The following STXBP5 variants were observed in gnomAD, a reference collection of about 807,000 sequenced individuals.
STXBP5 encodes the protein syntaxin-binding protein 5.
In STXBP5, 50 loss-of-function variants were observed where a neutral mutation model predicts 152.4. The observed-to-expected ratio is 0.33, with a 90% CI of 0.26 to 0.42. The LOEUF (loss-of-function observed/expected upper bound fraction) is 0.42, where lower values mean the gene tolerates loss of function less well. STXBP5 is among the 10% of genes least tolerant of loss of function. The probability of loss-of-function intolerance (pLI) is 1.00; values close to 1 mark genes in which losing one functional copy is unlikely to be tolerated. For missense variants in STXBP5, 1,167 were observed against 1,388.6 expected, an observed-to-expected ratio of 0.84 and a Z score of 2.54; for synonymous variants, 492 against 494.7, an observed-to-expected ratio of 0.99 and a Z score of 0.07.
intron 7 of STXBP5, among the ~76,000 whole-genome samples, chr6:147,277,435 A>C (rs1225853870): frequency 6.6e-6 from 1 of 152,096 alleles, no homozygotes; most frequent in Non-Finnish European, 1.5e-5. Context: ...ACATACCAAA[A>C]TTGAAATAAT....
chr6:147,254,826 G>A (rs142823059), intron 4 of STXBP5, among the ~76,000 whole-genome samples: 4 of 152,338 alleles, frequency 2.6e-5, no homozygotes, highest in African/African-American at 9.6e-5. Flanking sequence ...AACAGATGCT[G>A]GAGAGGATGT....
intron 1 of STXBP5, 43 bp from the exon 2 acceptor site, chr6:147,205,928 G>T: frequency 6.7e-7 from 1 of 1,497,308 alleles, no homozygotes; most frequent in Non-Finnish European, 9.3e-7. Context: ...TTAAAATTTC[G>T]CTTGCTGCCT....
At chr6:147,242,185 A>C (rs1053780823) in intron 4 of STXBP5, among the ~76,000 whole-genome samples, 6 of 151,972 alleles carry the variant, frequency 3.9e-5, no homozygotes, top group Non-Finnish European at 8.8e-5. Flanking sequence ...AAAAAAAAAA[A>C]AGTTTAAAAA....
At chr6:147,347,926 T>C (rs899755017) in intron 21 of STXBP5, among the ~76,000 whole-genome samples, 2 of 152,242 alleles carry the variant, frequency 1.3e-5, no homozygotes, top group Non-Finnish European at 2.9e-5. Flanking sequence ...TCAATTAATT[T>C]AATGATTATT....
At chr6:147,350,906 C>G (rs1784562269) in intron 21 of STXBP5, among the ~76,000 whole-genome samples, 1 of 152,148 alleles carries the variant, frequency 6.6e-6, no homozygotes, top group Non-Finnish European at 1.5e-5. Flanking sequence ...TTTAGAGAGG[C>G]AAAGTGATTA....
At chr6:147,362,508 T>C (rs1014299748) in intron 23 of STXBP5, among the ~76,000 whole-genome samples, 4 of 152,132 alleles carry the variant, frequency 2.6e-5, no homozygotes, top group Admixed American at 6.5e-5. Flanking sequence ...ATGTAACCCC[T>C]ACATTAAGAT....
intron 4 of STXBP5, among the ~76,000 whole-genome samples, chr6:147,255,998 C>G (rs756758361): frequency 6.6e-6 from 1 of 152,134 alleles, no homozygotes; most frequent in Non-Finnish European, 1.5e-5. Flanking sequence ...GAAACCACTG[C>G]AGATATTTTA....
chr6:147,316,131 C>T, intron 15 of STXBP5, 98 bp from the exon 16 acceptor site: 1 of 1,183,232 alleles, frequency 8.5e-7, no homozygotes, highest in Non-Finnish European at 1.2e-6. Context: ...CTTCTTGCCA[C>T]TGAAGTTTAT....
intron 25 of STXBP5, among the ~76,000 whole-genome samples, chr6:147,370,417 G>T (rs921429993): frequency 3.9e-5 from 6 of 152,042 alleles, no homozygotes; most frequent in African/African-American, 1.4e-4. Context: ...CTTCAGTAAA[G>T]CTGTGTAAAA....
intron 21 of STXBP5, 61 bp from the exon 22 acceptor site, chr6:147,353,262 A>G: frequency 9.7e-7 from 1 of 1,031,900 alleles, no homozygotes; most frequent in Non-Finnish European, 1.4e-6. Context: ...CTTGAAAATC[A>G]GTTGATATTA....
At chr6:147,264,793 C>G (rs1779810818) in intron 6 of STXBP5, among the ~76,000 whole-genome samples, 1 of 151,962 alleles carries the variant, frequency 6.6e-6, no homozygotes, top group Admixed American at 6.6e-5. Flanking sequence ...TTATTATTCT[C>G]TTGCTTTTGT....
chr6:147,379,336 G>T (rs1398054799), intron 26 of STXBP5, among the ~76,000 whole-genome samples: 9 of 152,056 alleles, frequency 5.9e-5, no homozygotes, highest in Admixed American at 5.9e-4. Context: ...TCACTATCTA[G>T]AAATAAATCT....
chr6:147,263,213 A>G (rs903569300), intron 6 of STXBP5, among the ~76,000 whole-genome samples: 3 of 151,986 alleles, frequency 2.0e-5, no homozygotes, highest in African/African-American at 7.2e-5. Flanking sequence ...TAATTATAGC[A>G]TTGTTTTAAA....
chr6:147,242,197 TA>T (rs1307713815), intron 4 of STXBP5, among the ~76,000 whole-genome samples: 1 of 150,282 alleles, frequency 6.7e-6, no homozygotes, highest in Non-Finnish European at 1.5e-5. Context: ...GTTTAAAAAG[TA>T]AAAGTAAAAA....
chr6:147,352,028 A>G lies in STXBP5; in HGVS notation c.2255-1295A>G, dbSNP rs775219884. ...ACGCATGCACTACCACTAACATAAT[A>G]GATATAGTTGAACAACGCCTAACTT... is the stretch of plus-strand genomic sequence containing the variant. On this transcript the variant is annotated intron_variant, in intron 21 of 27. Coordinates refer to ENST00000321680, the MANE Select transcript of STXBP5 (RefSeq NM_001127715.4). 1.4e-5 allele frequency: 3 copies of G among 213,414 alleles called. No homozygotes were observed. The Admixed American group carries it at 2.0e-4, about 14-fold the overall frequency. The allele number at this position is 213,414 out of a possible 1,614,324, so 13.2% of individuals were successfully genotyped here.
At chr6:147,364,192 T>C in intron 25 of STXBP5, 26 bp downstream of exon 25, 1 of 1,598,320 alleles carries the variant, frequency 6.3e-7, no homozygotes, top group Non-Finnish European at 8.5e-7. Flanking sequence ...ATTACTGTAA[T>C]TTCTTCAGAG....
intron 2 of STXBP5, among the ~76,000 whole-genome samples, chr6:147,219,438 G>A (rs1338577936): frequency 6.6e-6 from 1 of 152,118 alleles, no homozygotes; most frequent in Admixed American, 6.6e-5. Flanking sequence ...CATAAAATGA[G>A]TTAGGATATA....
chr6:147,387,824 T>G lies in STXBP5; in HGVS notation c.*3069T>G, dbSNP rs538462565. Reference sequence around the variant, plus strand: ...TGGCTTAGAACTTCTTAATTGTAGGTTCCTCTGAAGCGATTTCATGTAGAT... The same window carrying G: ...TGGCTTAGAACTTCTTAATTGTAGGGTCCTCTGAAGCGATTTCATGTAGAT... On this transcript the variant is annotated 3_prime_UTR_variant, in exon 28 of 28. Transcript: ENST00000321680. The G allele has an allele frequency of 6.6e-6, 1 of 151,706 alleles. No individual in the cohort carries two copies. Among genetic ancestry groups the G allele is most frequent in the Non-Finnish European group, 1.5e-5 (1 of 67,686 alleles). 9.4% of individuals were successfully genotyped at this position (151,706 alleles called of 1,614,324 possible).
At chr6:147,351,510 GAGGACTGTTTT>G (rs1222634636) in intron 21 of STXBP5, among the ~76,000 whole-genome samples, 3 of 152,078 alleles carry the variant, frequency 2.0e-5, no homozygotes, top group Non-Finnish European at 4.4e-5. Flanking sequence ...TTGCCTTTTG[GAGGACTGTTTT>G]AGAGATACAA....
Sources: allele counts gnomAD v4.1 joint callset (sites outside exome capture counted in the v4.1 genomes callset), GRCh38; gene constraint gnomAD v4.1.1; transcripts MANE v1.5; gene names NCBI Gene and HGNC (gene_info 2026-07-23, HGNC 2026-07-21).